SOST: variants seen among roughly 807,000 people sequenced by gnomAD.
The protein encoded by SOST is sclerostin.
A neutral mutation model predicts 16.7 loss-of-function variants in SOST; 14 were observed. The observed-to-expected ratio is 0.84, with a 90% CI of 0.55 to 1.31. The LOEUF is 1.31. Ranked by LOEUF, SOST falls within the 50% of genes most tolerant of loss-of-function variation. SOST has a pLI of 0.00. For synonymous variants in SOST, 150 were observed against 140.9 expected (o/e 1.06, Z -0.46); for missense variants, 291 against 310.7 (o/e 0.94, Z 0.48).
Position 43,755,186 on chromosome 17 carries a change from G to A in SOST, c.*156C>T, listed in dbSNP as rs772182034. Reference sequence around the variant, plus strand: ...GCTGAGGGGGGCCTTGCCGGCGCCCGGGATTCCTCAGGGCCTGGAAGGTCT... The same window carrying A: ...GCTGAGGGGGGCCTTGCCGGCGCCCAGGATTCCTCAGGGCCTGGAAGGTCT... On this transcript the variant is annotated 3_prime_UTR_variant, in exon 2 of 2. Transcript: ENST00000301691. The surrounding 1 kb of genome is among the most constrained non-coding windows in gnomAD (Gnocchi z 4.3). 9 of 728,978 alleles carry A rather than the reference G, an allele frequency of 1.2e-5. No individual in the cohort carries two copies. Among genetic ancestry groups the A allele is most frequent in the Non-Finnish European group, 1.8e-5 (9 of 489,246 alleles). 45.2% of individuals were successfully genotyped at this position (728,978 alleles called of 1,614,324 possible). A position where few individuals can be genotyped will look rare whatever the true frequency, so the allele number is the denominator to read the frequency against.
rs1245595709 is a variant in SOST at position 43,755,479 on chromosome 17, G to T, written c.505C>A (p.Arg169Ser). The T allele has an allele frequency of 6.3e-7, 1 of 1,597,420 alleles. No homozygotes were observed. The highest frequency in any genetic ancestry group is 8.5e-7 in the Non-Finnish European group (1 of 1,178,708). Residue 169 changes from arginine (R) to serine (S), a missense_variant, in exon 2 of 2, where the codon CGC (arginine) becomes AGC (serine). Coordinates refer to ENST00000301691, the MANE Select transcript of SOST (RefSeq NM_025237.3). The surrounding 1 kb of genome is among the most constrained non-coding windows in gnomAD (Gnocchi z 4.3). ...GACTGGTTGTGGAAGCGGGTGAGGC[G>T]CTTGCACTTGCACGAGGCCACCAGG... ...VRLVASCKCK[R>S]LTRFHNQSEL...
At chr17:43,756,542 C>G (rs1404568034) in intron 1 of SOST, among the ~76,000 whole-genome samples, 1 of 152,170 alleles carries the variant, frequency 6.6e-6, no homozygotes, top group Non-Finnish European at 1.5e-5. Context: ...CCCTGGGGTC[C>G]CAGCACCTTT....
intron 1 of SOST, among the ~76,000 whole-genome samples, chr17:43,757,660 T>C (rs1281346750): frequency 2.6e-5 from 4 of 152,134 alleles, no homozygotes. Flanking sequence ...AGGGTTCCTC[T>C]TCCTTCTCCC....
In SOST at chr17:43,755,925, G is replaced by T. The variant is rs570884296; in HGVS notation, c.221-162C>A. Reference sequence around the variant, plus strand: ...GAAGGTCCCAGATGCTCTAGAGCTGGTGGAAAGCTCTCCTGCGCACCCTGT... The same window carrying T: ...GAAGGTCCCAGATGCTCTAGAGCTGTTGGAAAGCTCTCCTGCGCACCCTGT... On this transcript the variant is annotated intron_variant, in intron 1 of 1. Transcript: ENST00000301691. This position sits in a 1 kb window ranked among gnomAD's most constrained non-coding sequence, Gnocchi z 4.3. Among the ~76,000 whole-genome samples, 1 of 152,330 alleles carries T rather than the reference G, an allele frequency of 6.6e-6. No homozygotes were observed. The highest frequency in any genetic ancestry group is 6.5e-5 in the Admixed American group (1 of 15,302).
chr17:43,755,642 C>G lies in SOST; in HGVS notation c.342G>C (p.Leu114=). 2 of 1,573,738 alleles carry G rather than the reference C, an allele frequency of 1.3e-6. No homozygotes were observed. Among genetic ancestry groups the G allele is most frequent in the African/African-American group, 1.4e-5 (1 of 73,098 alleles). Residue 114 remains leucine (L), a synonymous_variant, in exon 2 of 2, where the codon CTG becomes CTC. Coordinates refer to ENST00000301691, the MANE Select transcript of SOST (RefSeq NM_025237.3). The surrounding 1 kb of genome is among the most constrained non-coding windows in gnomAD (Gnocchi z 4.3). ...TGCCGCGGCCGATGGCGTTGGGCAG[C>G]AGGCGCGCCGGGCCGCACTGGCCGG... ...VCSGQCGPAR[L]LPNAIGRGKW...
rs948347419 is a variant in SOST at position 43,754,624 on chromosome 17, C to G, written c.*718G>C. 1 of 152,034 alleles carries G rather than the reference C, an allele frequency of 6.6e-6. No individual in the cohort carries two copies. Among genetic ancestry groups the G allele is most frequent in the Non-Finnish European group, 1.5e-5 (1 of 68,024 alleles). 9.4% of individuals were successfully genotyped at this position (152,034 alleles called of 1,614,324 possible). On this transcript the variant is annotated 3_prime_UTR_variant, in exon 2 of 2. Coordinates refer to ENST00000301691, the MANE Select transcript of SOST (RefSeq NM_025237.3). ...CTTTGGCTGTCAGAAGAGAGCATCA[C>G]AACTCTGAATTCTGGAAGTGACCTT...
Position 43,754,702 on chromosome 17 carries a change from T to TCA in SOST, c.*638_*639dup, listed in dbSNP as rs1354585405. On this transcript the variant is annotated 3_prime_UTR_variant, in exon 2 of 2. Transcript: ENST00000301691. ...TTCTCTCTCTTTCTCTCTCTCTCTC[T>TCA]CACCTCTGCCCATTCAAAAGGCACT... The TCA allele has an allele frequency of 1.3e-5, 2 of 152,092 alleles. No homozygotes were observed. The highest frequency in any genetic ancestry group is 2.9e-5 in the Non-Finnish European group (2 of 68,032). The allele number at this position is 152,092 out of a possible 1,614,324, so 9.4% of individuals were successfully genotyped here.
Position 43,758,768 on chromosome 17 carries a change from C to A in SOST, c.-27G>T, listed in dbSNP as rs1974162191. The A allele has an allele frequency of 6.3e-7, 1 of 1,581,802 alleles. No homozygotes were observed. The highest frequency in any genetic ancestry group is 8.7e-7 in the Non-Finnish European group (1 of 1,154,378). On this transcript the variant is annotated 5_prime_UTR_variant, in exon 1 of 2. Transcript: ENST00000301691. ...GTACCAGCCAGAGGAGGGCACGCCA[C>A]CTTCCAGTAGCACAGGCTCTGGTCT...
At position 43,758,690 on chromosome 17, in the gene SOST, A is replaced by G; in HGVS notation, c.52T>C (p.Phe18Leu). 6.2e-7 allele frequency: 1 copy of G among 1,614,136 alleles called. No homozygotes were observed. Among genetic ancestry groups the G allele is most frequent in the Non-Finnish European group, 8.5e-7 (1 of 1,180,032 alleles). ...CACCCCTGGCCCTCCACTACACGGA[A>G]GGCTGTGTGTACCAGCAGGCAGACG... ...CLVCLLVHTA[F>L]RVVEGQGWQA... The change falls in exon 1 of 2, where the codon TTC becomes CTC. Residue 18 changes from phenylalanine to leucine, a missense_variant. Coordinates refer to ENST00000301691, the MANE Select transcript of SOST (RefSeq NM_025237.3).
In SOST at chr17:43,755,516, C is replaced by T. The variant is rs1174993300; in HGVS notation, c.468G>A (p.Ala156=). The T allele has an allele frequency of 6.3e-7, 1 of 1,596,202 alleles. No homozygotes were observed. Among genetic ancestry groups the T allele is most frequent in the Non-Finnish European group, 8.5e-7 (1 of 1,177,930 alleles). Residue 156 remains alanine (A), a synonymous_variant, in exon 2 of 2, where the codon GCG becomes GCA. Transcript: ENST00000301691. This position sits in a 1 kb window ranked among gnomAD's most constrained non-coding sequence, Gnocchi z 4.3. The part of the protein sequence containing the change: ...LLCPGGEAPR[A]RKVRLVASCK... The stretch of plus-strand genomic sequence containing the variant: ...ACGAGGCCACCAGGCGCACCTTGCG[C>T]GCGCGCGGCGCCTCACCACCGGGAC...
chr17:43,758,100 G>C (rs967619485), intron 1 of SOST, among the ~76,000 whole-genome samples: 4 of 152,184 alleles, frequency 2.6e-5, no homozygotes, highest in African/African-American at 9.7e-5. Flanking sequence ...CCAGCATAGA[G>C]TGTCCGGTGC....
At chr17:43,758,402 A>C (rs1974153732) in intron 1 of SOST, 120 bp downstream of exon 1, 1 of 792,760 alleles carries the variant, frequency 1.3e-6, no homozygotes, top group East Asian at 2.7e-5. Context: ...TTCCTCGACC[A>C]GTGCTGGCAG....
chr17:43,755,782 G>T lies in SOST; in HGVS notation c.221-19C>A. 1 of 1,566,128 alleles carries T rather than the reference G, an allele frequency of 6.4e-7. No individual in the cohort carries two copies. The highest frequency in any genetic ancestry group is 8.6e-7 in the Non-Finnish European group (1 of 1,165,612). On this transcript the variant is annotated intron_variant, in intron 1 of 1. Transcript: ENST00000301691. This position sits in a 1 kb window ranked among gnomAD's most constrained non-coding sequence, Gnocchi z 4.3. ...GACACGTCTGTGGAGAGAGGCGCGC[G>T]TGAGGGTGGCCGCCCGCCTGGCCAC...
intron 1 of SOST, 107 bp downstream of exon 1, chr17:43,758,415 G>C: frequency 1.1e-6 from 1 of 895,262 alleles, no homozygotes; most frequent in South Asian, 1.5e-5. Context: ...GCTGGCAGAG[G>C]CCAGCAATCT....
rs899416278 is a variant in SOST at position 43,755,430 on chromosome 17, T to A, written c.554A>T (p.Glu185Val). The A allele has an allele frequency of 4.4e-6, 7 of 1,593,850 alleles. No individual in the cohort carries two copies. The highest frequency in any genetic ancestry group is 1.7e-4 in the Middle Eastern group (1 of 6,044). Residue 185 changes from glutamate (E) to valine (V), a missense_variant, in exon 2 of 2, where the codon GAG becomes GTG. Coordinates refer to ENST00000301691, the MANE Select transcript of SOST (RefSeq NM_025237.3). The surrounding 1 kb of genome is among the most constrained non-coding windows in gnomAD (Gnocchi z 4.3). ...CCGGCCCTTCTGCGGCCGAGCGGCC[T>A]CGGTCCCGAAGTCCTTGAGCTCCGA... ...NQSELKDFGT[E>V]AARPQKGRKP...
chr17:43,758,412 GA>G (rs1337903901), intron 1 of SOST, 109 bp downstream of exon 1: 2 of 868,626 alleles, frequency 2.3e-6, no homozygotes, highest in Non-Finnish European at 3.7e-6. Context: ...AGTGCTGGCA[GA>G]GGCCAGCAAT....
At position 43,755,311 on chromosome 17, in the gene SOST, G is replaced by A. The variant is rs1162658687; in HGVS notation, c.*31C>T. On this transcript the variant is annotated 3_prime_UTR_variant, in exon 2 of 2. Coordinates refer to ENST00000301691, the MANE Select transcript of SOST (RefSeq NM_025237.3). This position sits in a 1 kb window ranked among gnomAD's most constrained non-coding sequence, Gnocchi z 4.3. ...TGGGGCGCGGGTTCAGGGCCGGGGC[G>A]CCCGCCGGTGGGGAGGGGCGCGGGC... is the stretch of plus-strand genomic sequence containing the variant. 1 of 1,509,778 alleles carries A rather than the reference G, an allele frequency of 6.6e-7. No homozygotes were observed. The highest frequency in any genetic ancestry group is 8.7e-7 in the Non-Finnish European group (1 of 1,143,168). The allele number at this position is 1,509,778 out of a possible 1,614,324, so 93.5% of individuals were successfully genotyped here. A position where few individuals can be genotyped will look rare whatever the true frequency, so the allele number is the denominator to read the frequency against.
Position 43,758,552 on chromosome 17 carries a change from G to A in SOST, c.190C>T (p.Arg64Trp), listed in dbSNP as rs765929030. Reference protein sequence around the residue: ...KTMNRAENGGRPPHHPFETKD... With the variant: ...KTMNRAENGGWPPHHPFETKD... ...GTCTCAAAGGGGTGGTGGGGAGGCC[G>A]CCCTCCGTTCTCCGCCCGGTTCATG... is the stretch of plus-strand genomic sequence containing the variant. The change falls in exon 1 of 2, where the codon CGG becomes TGG. Residue 64 changes from arginine (R) to tryptophan (W), a missense_variant. By Grantham distance (101) the Arg-to-Trp change is moderately radical (BLOSUM62 -3). Transcript: ENST00000301691. The A allele has an allele frequency of 8.7e-6, 14 of 1,613,856 alleles. No individual in the cohort carries two copies. The highest frequency in any genetic ancestry group is 6.7e-5 in the African/African-American group (5 of 74,928).
Position 43,754,142 on chromosome 17 carries a change from T to C in SOST, c.*1200A>G, listed in dbSNP as rs1195929375. 1.3e-5 allele frequency: 2 copies of C among 152,230 alleles called. No individual in the cohort carries two copies. Among genetic ancestry groups the C allele is most frequent in the African/African-American group, 4.8e-5 (2 of 41,450 alleles). The allele number at this position is 152,230 out of a possible 1,614,324, so 9.4% of individuals were successfully genotyped here. ...AGTTTTTCCCCCAATAATATTCTTT[T>C]AGTGTAAGATATGCCATCACATGTA... On this transcript the variant is annotated 3_prime_UTR_variant, in exon 2 of 2. Coordinates refer to ENST00000301691, the MANE Select transcript of SOST (RefSeq NM_025237.3).
Sources: gnomAD v4.1 joint callset for allele counts (sites outside exome capture counted in the v4.1 genomes callset) on GRCh38, gnomAD v4.1.1 for gene constraint, Gnocchi (gnomAD v3.1) non-coding constraint, MANE v1.5 for transcripts, NCBI Gene and HGNC (gene_info 2026-07-23, HGNC 2026-07-21) for gene names.